MAML2: variants seen among roughly 807,000 people sequenced by gnomAD.
MAML2 encodes the protein mastermind-like protein 2.
MAML2 carries 22 observed loss-of-function variants against 96.1 expected under a neutral mutation model. The observed-to-expected ratio is 0.23, with a 90% confidence interval of 0.16 to 0.33. The LOEUF (loss-of-function observed/expected upper bound fraction) is 0.33, where lower values mean the gene tolerates loss of function less well. Among genes scored for constraint, MAML2 ranks in the 10% least tolerant of loss-of-function variants. The pLI is 1.00. For missense variants in MAML2, 1,367 were observed against 1,392.4 expected (o/e 0.98, Z 0.29); for synonymous variants, 561 against 521.3 (o/e 1.08, Z -1.04).
At chr11:96,318,702 G>A (rs61901560) in intron 1 of MAML2, among the ~76,000 whole-genome samples, 2,219 of 152,224 alleles carry the variant, frequency 0.015, 23 homozygotes, top group Non-Finnish European at 0.023. Context: ...CACTCAGGAG[G>A]GTGAGGATCT....
intron 1 of MAML2, among the ~76,000 whole-genome samples, chr11:96,114,756 G>A (rs1316041158): frequency 6.6e-6 from 1 of 152,192 alleles, no homozygotes; most frequent in Non-Finnish European, 1.5e-5. Context: ...CCCCACATAG[G>A]TGTCTTTGTC....
chr11:96,119,611 T>G (rs1362652519), intron 1 of MAML2, among the ~76,000 whole-genome samples: 4 of 152,200 alleles, frequency 2.6e-5, no homozygotes. Flanking sequence ...ACAGTCACAG[T>G]TTAACGACTT....
intron 3 of MAML2, among the ~76,000 whole-genome samples, chr11:95,989,956 C>T (rs1857885065): frequency 6.6e-6 from 1 of 152,100 alleles, no homozygotes; most frequent in Non-Finnish European, 1.5e-5. Context: ...ATCTCAAACT[C>T]ACCAACAAAT....
At chr11:96,050,772 A>C (rs534623770) in intron 2 of MAML2, among the ~76,000 whole-genome samples, 2 of 152,314 alleles carry the variant, frequency 1.3e-5, no homozygotes, top group East Asian at 3.9e-4. Flanking sequence ...AACTATGTCT[A>C]TGGAGTTGTT....
intron 1 of MAML2, among the ~76,000 whole-genome samples, chr11:96,154,542 G>A (rs1248446503): frequency 6.6e-6 from 1 of 152,142 alleles, no homozygotes; most frequent in African/African-American, 2.4e-5. Flanking sequence ...CTTTGTAAAT[G>A]AATACTTAGA....
chr11:96,065,442 C>G (rs1012625305), intron 2 of MAML2, among the ~76,000 whole-genome samples: 4 of 145,284 alleles, frequency 2.8e-5, no homozygotes, highest in South Asian at 2.2e-4. Context: ...CACACACACA[C>G]AGGAAAGAAA....
intron 1 of MAML2, among the ~76,000 whole-genome samples, chr11:96,109,366 C>T (rs918601285): frequency 6.6e-6 from 1 of 152,122 alleles, no homozygotes; most frequent in African/African-American, 2.4e-5. Flanking sequence ...AGGGGAGTGA[C>T]ATGTCAGTAA....
intron 1 of MAML2, among the ~76,000 whole-genome samples, chr11:96,220,111 G>A (rs982524159): frequency 6.6e-6 from 1 of 152,106 alleles, no homozygotes; most frequent in African/African-American, 2.4e-5. Context: ...CAGTGTCCAT[G>A]CGTTATCAGG....
At chr11:96,258,259 T>C (rs115472830) in intron 1 of MAML2, among the ~76,000 whole-genome samples, 2,354 of 152,314 alleles carry the variant, frequency 0.015, 64 homozygotes, top group African/African-American at 0.053. Context: ...CATTTACATA[T>C]TGTACCAATT....
At chr11:96,210,129 G>A (rs1163848883) in intron 1 of MAML2, among the ~76,000 whole-genome samples, 1 of 151,748 alleles carries the variant, frequency 6.6e-6, no homozygotes, top group East Asian at 1.9e-4. Context: ...TTTTTAAGAC[G>A]GAGTCTCACT....
chr11:96,208,944 G>A (rs886764891), intron 1 of MAML2, among the ~76,000 whole-genome samples: 1 of 152,106 alleles, frequency 6.6e-6, no homozygotes, highest in African/African-American at 2.4e-5. Flanking sequence ...TTAACAACTC[G>A]ATGTGTCAGT....
At chr11:96,266,534 G>A (rs926390966) in intron 1 of MAML2, among the ~76,000 whole-genome samples, 1 of 151,304 alleles carries the variant, frequency 6.6e-6, no homozygotes, top group East Asian at 1.9e-4. Flanking sequence ...TGGCACCACT[G>A]CACTCCACCC....
At chr11:96,143,639 T>G (rs1163708692) in intron 1 of MAML2, among the ~76,000 whole-genome samples, 2 of 152,216 alleles carry the variant, frequency 1.3e-5, no homozygotes, top group Non-Finnish European at 2.9e-5. Flanking sequence ...GACAAATAAA[T>G]TGGAAGATTA....
Position 96,020,074 on chromosome 11 carries a change from G to C in MAML2, c.2140-28351C>G, listed in dbSNP as rs537291737. On this transcript the variant is annotated intron_variant, in intron 2 of 4. Coordinates refer to ENST00000524717, the MANE Select transcript of MAML2 (RefSeq NM_032427.4). ...AATGTTGGAGGTGCCAGTCAGTGAAGGGGAGTGCATGCAGAGGGAACAACC... is the reference window on the plus strand; with the variant it reads ...AATGTTGGAGGTGCCAGTCAGTGAACGGGAGTGCATGCAGAGGGAACAACC... 5.3e-5 allele frequency among the ~76,000 whole-genome samples: 8 copies of C among 152,274 alleles called. No homozygotes were observed. The East Asian group carries it at 1.5e-3, about 29-fold the overall frequency.
intron 1 of MAML2, among the ~76,000 whole-genome samples, chr11:96,326,766 GTAAATAAA>G (rs368014331): frequency 2.0e-5 from 3 of 151,276 alleles, no homozygotes; most frequent in South Asian, 2.1e-4. Context: ...GTCTGTCAAA[GTAAATAAA>G]TAAATAAATA....
chr11:96,014,024 C>T (rs560119998), intron 2 of MAML2, among the ~76,000 whole-genome samples: 4 of 152,218 alleles, frequency 2.6e-5, no homozygotes, highest in East Asian at 3.9e-4. Context: ...CTTCAGGAGC[C>T]GTAAACATTC....
chr11:96,240,382 C>G (rs1206780656), intron 1 of MAML2, among the ~76,000 whole-genome samples: 2 of 151,424 alleles, frequency 1.3e-5, no homozygotes, highest in Non-Finnish European at 2.9e-5. Context: ...AACCCCGTCT[C>G]TACTAAAAAT....
intron 1 of MAML2, among the ~76,000 whole-genome samples, chr11:96,113,604 G>GAAGAA (rs1555011480): frequency 1.1e-4 from 16 of 139,200 alleles, no homozygotes; most frequent in African/African-American, 3.5e-4. Context: ...CCCGTTGTTT[G>GAAGAA]AAAAAAAAAA....
chr11:96,204,003 G>A (rs2135933027), intron 1 of MAML2, among the ~76,000 whole-genome samples: 1 of 152,266 alleles, frequency 6.6e-6, no homozygotes, highest in East Asian at 1.9e-4. Flanking sequence ...AGGGTGTGGG[G>A]GAATCTCCAG....
Sources: gnomAD v4.1 joint callset for allele counts (sites outside exome capture counted in the v4.1 genomes callset) on GRCh38, gnomAD v4.1.1 for gene constraint, MANE v1.5 for transcripts, NCBI Gene and HGNC (gene_info 2026-07-23, HGNC 2026-07-21) for gene names.